ITPK1: variants seen among roughly 807,000 people sequenced by gnomAD.
The protein encoded by ITPK1 is inositol 1,3,4-trisphosphate 5/6-kinase.
ITPK1 carries 21 observed loss-of-function variants against 45.3 expected under a neutral mutation model. The ratio of observed to expected loss-of-function variants is 0.46; its 90% CI spans 0.33 to 0.67. The LOEUF is 0.67. ITPK1 is among the 30% of genes least tolerant of loss of function. The probability of loss-of-function intolerance (pLI) is 0.02; values close to 1 mark genes in which losing one functional copy is unlikely to be tolerated. For synonymous variants in ITPK1, 258 were observed against 253.6 expected (o/e 1.02, Z -0.16); for missense variants, 474 against 573.5 (o/e 0.83, Z 1.77).
intron 2 of ITPK1, among the ~76,000 whole-genome samples, chr14:93,086,978 A>AC (rs1323277317): frequency 6.6e-6 from 1 of 152,206 alleles, no homozygotes; most frequent in Non-Finnish European, 1.5e-5. Flanking sequence ...CTTGACCTTG[A>AC]CCCTGACCCA....
intron 3 of ITPK1, among the ~76,000 whole-genome samples, chr14:93,055,523 G>A (rs941773855): frequency 6.6e-6 from 1 of 152,096 alleles, no homozygotes; most frequent in Non-Finnish European, 1.5e-5. Flanking sequence ...GAAGGCAGAG[G>A]GATTTGGGGT....
chr14:93,110,379 G>A (rs1892702154), intron 2 of ITPK1, among the ~76,000 whole-genome samples: 1 of 152,200 alleles, frequency 6.6e-6, no homozygotes, highest in African/African-American at 2.4e-5. Context: ...CCCACCCACA[G>A]ACCAGCATCA....
At chr14:92,967,248 C>A (rs1386464041) in intron 5 of ITPK1, among the ~76,000 whole-genome samples, 2 of 152,136 alleles carry the variant, frequency 1.3e-5, no homozygotes, top group South Asian at 4.1e-4. Context: ...AAAAAGATAT[C>A]TCTATTTAAA....
At chr14:93,087,825 C>T (rs1000369502) in intron 2 of ITPK1, among the ~76,000 whole-genome samples, 6 of 152,198 alleles carry the variant, frequency 3.9e-5, no homozygotes, top group African/African-American at 9.6e-5. Context: ...CAGCTTTGCA[C>T]GGTACCCGCA....
chr14:93,039,168 C>T (rs1889455158), intron 3 of ITPK1, among the ~76,000 whole-genome samples: 2 of 152,212 alleles, frequency 1.3e-5, no homozygotes, highest in African/African-American at 4.8e-5. Flanking sequence ...CTAAACGATG[C>T]CCAGAGTTCT....
intron 3 of ITPK1, among the ~76,000 whole-genome samples, chr14:93,047,650 C>T (rs571358507): frequency 6.6e-6 from 1 of 152,344 alleles, no homozygotes; most frequent in African/African-American, 2.4e-5. Context: ...CGGAGCAGTG[C>T]CCTGCTGACA....
intron 4 of ITPK1, among the ~76,000 whole-genome samples, chr14:93,015,404 C>T (rs1435233924): frequency 6.6e-6 from 1 of 152,268 alleles, no homozygotes; most frequent in Non-Finnish European, 1.5e-5. Context: ...CCAGGGCACA[C>T]ATCTCCTCTG....
At chr14:93,027,818 C>A (rs1273557408) in intron 3 of ITPK1, among the ~76,000 whole-genome samples, 1 of 152,210 alleles carries the variant, frequency 6.6e-6, no homozygotes, top group Non-Finnish European at 1.5e-5. Context: ...GGCCACCTGA[C>A]CCAGCTGCTT....
chr14:93,076,462 G>A lies in ITPK1; in HGVS notation c.120+133C>T. The stretch of plus-strand genomic sequence containing the variant: ...GCAGAAACCACATCAAATCCACAGG[G>A]GAGCTAAAAACAAGCTGCACGTGAA... On this transcript the variant is annotated intron_variant, in intron 3 of 10. Coordinates refer to ENST00000267615, the MANE Select transcript of ITPK1 (RefSeq NM_014216.6). This position sits in a 1 kb window ranked among gnomAD's most constrained non-coding sequence, Gnocchi z 4.3. 2 of 994,400 alleles carry A rather than the reference G, an allele frequency of 2.0e-6. No individual in the cohort carries two copies. Among genetic ancestry groups the A allele is most frequent in the Non-Finnish European group, 3.1e-6 (2 of 646,870 alleles). 61.6% of individuals were successfully genotyped at this position (994,400 alleles called of 1,614,324 possible).
intron 4 of ITPK1, among the ~76,000 whole-genome samples, chr14:93,007,806 G>T (rs1009034239): frequency 1.3e-5 from 2 of 152,182 alleles, no homozygotes; most frequent in Non-Finnish European, 2.9e-5. Context: ...TCGTCCTGCC[G>T]CCCCAGGAGC....
chr14:92,970,076 G>A (rs1418642093), intron 5 of ITPK1, among the ~76,000 whole-genome samples: 2 of 152,144 alleles, frequency 1.3e-5, no homozygotes, highest in East Asian at 1.9e-4. Flanking sequence ...ACTCCACCAG[G>A]TGACCTTTCC....
chr14:92,982,656 C>A (rs1886292820), intron 5 of ITPK1, among the ~76,000 whole-genome samples: 1 of 152,226 alleles, frequency 6.6e-6, no homozygotes, highest in Admixed American at 6.5e-5. Flanking sequence ...CTGACCCACC[C>A]ACCCATGAGA....
chr14:93,029,169 T>A (rs1422274964), intron 3 of ITPK1, among the ~76,000 whole-genome samples: 2 of 152,178 alleles, frequency 1.3e-5, no homozygotes, highest in African/African-American at 4.8e-5. Context: ...TTATCCCTGC[T>A]TTGCTCCGAA....
chr14:93,112,639 C>T lies in ITPK1; in HGVS notation c.95+2430G>A, dbSNP rs1445270408. 6.8e-4 allele frequency among the ~76,000 whole-genome samples: 103 copies of T among 152,118 alleles called. 1 individual carries two copies. The highest frequency in any genetic ancestry group is 8.8e-5 in the Non-Finnish European group (6 of 67,992). ...ATTTTTAGTAGAGATGGGGTTTCACCATGTTAGCCAGGATGGTCTCGATCT... is the reference window on the plus strand; with the variant it reads ...ATTTTTAGTAGAGATGGGGTTTCACTATGTTAGCCAGGATGGTCTCGATCT... On this transcript the variant is annotated intron_variant, in intron 2 of 10. Transcript: ENST00000267615.
intron 3 of ITPK1, among the ~76,000 whole-genome samples, chr14:93,043,369 G>C (rs570250685): frequency 6.6e-6 from 1 of 152,234 alleles, no homozygotes; most frequent in Admixed American, 6.5e-5. Context: ...TGGGAAAGCC[G>C]AAGACAGCAC....
chr14:93,066,334 GT>G (rs56784828), intron 3 of ITPK1: 37 of 447,038 alleles, frequency 8.3e-5, no homozygotes, highest in Middle Eastern at 3.3e-4. Flanking sequence ...GTGTGTGTGT[GT>G]GTGTGTAGGG....
chr14:93,037,913 C>G (rs1889387859), intron 3 of ITPK1, among the ~76,000 whole-genome samples: 1 of 152,198 alleles, frequency 6.6e-6, no homozygotes, highest in African/African-American at 2.4e-5. Context: ...CAGAGATAGC[C>G]TGTAACATTT....
chr14:93,036,508 C>A lies in ITPK1; in HGVS notation c.121-19707G>T, dbSNP rs1346725572. 6.6e-6 allele frequency among the ~76,000 whole-genome samples: 1 copy of A among 152,036 alleles called. No homozygotes were observed. On this transcript the variant is annotated intron_variant, in intron 3 of 10. Transcript: ENST00000267615. This position sits in a 1 kb window ranked among gnomAD's most constrained non-coding sequence, Gnocchi z 4.1. ...TCCGAGAGGCTGGTGGGAGCACGTGCCCCATTTGACCCCCACGGCTCTTGC... is the reference window on the plus strand; with the variant it reads ...TCCGAGAGGCTGGTGGGAGCACGTGACCCATTTGACCCCCACGGCTCTTGC...
chr14:93,017,824 G>A (rs1037953799), intron 3 of ITPK1, among the ~76,000 whole-genome samples: 1 of 152,226 alleles, frequency 6.6e-6, no homozygotes, highest in Admixed American at 6.5e-5. Flanking sequence ...AACTACAAAT[G>A]GTCACTGGCA....
Sources: gnomAD v4.1 joint callset for allele counts (sites outside exome capture counted in the v4.1 genomes callset) on GRCh38, gnomAD v4.1.1 for gene constraint, Gnocchi (gnomAD v3.1) non-coding constraint, MANE v1.5 for transcripts, NCBI Gene and HGNC (gene_info 2026-07-23, HGNC 2026-07-21) for gene names.